BAG1: variants seen among roughly 807,000 people sequenced by gnomAD.
BAG1 encodes BAG family molecular chaperone regulator 1.
Under a neutral mutation model 35.5 loss-of-function variants are expected in BAG1, and 35 were observed. That is an observed-to-expected ratio of 0.99 (90% confidence interval 0.75 to 1.31). The LOEUF is 1.31. Ranked by LOEUF, BAG1 falls within the 50% of genes most tolerant of loss-of-function variation. The pLI is 0.00. For missense variants in BAG1, 464 were observed against 453.6 expected, an observed-to-expected ratio of 1.02 and a Z score of -0.21; for synonymous variants, 191 against 178.9, an observed-to-expected ratio of 1.07 and a Z score of -0.54.
rs1245072391 is a variant in BAG1 at position 33,254,492 on chromosome 9, A to ATCCATGGCT, written c.*718_*726dup. On this transcript the variant is annotated 3_prime_UTR_variant, in exon 7 of 7. Transcript: ENST00000634734. Reference sequence around the variant, plus strand: ...TGGTGCCTTCTCTTTGCCCTTCCTAATCCATGGCTCTGGCCTGGTTTCAAG... The same window carrying ATCCATGGCT: ...TGGTGCCTTCTCTTTGCCCTTCCTAATCCATGGCTTCCATGGCTCTGGCCTGGTTTCAAG... 6.5e-6 allele frequency: 1 copy of ATCCATGGCT among 153,232 alleles called. No homozygotes were observed. The highest frequency in any genetic ancestry group is 1.5e-5 in the Non-Finnish European group (1 of 68,902). 9.5% of individuals were successfully genotyped at this position (153,232 alleles called of 1,614,324 possible).
intron 4 of BAG1, among the ~76,000 whole-genome samples, chr9:33,258,298 C>CAAAAAAAAAAA (rs10591225): frequency 4.7e-5 from 3 of 63,348 alleles, no homozygotes; most frequent in Non-Finnish European, 7.6e-5. Flanking sequence ...GACTCCATAT[C>CAAAAAAAAAAA]AAAAAAAAAA....
intron 2 of BAG1, among the ~76,000 whole-genome samples, chr9:33,261,390 C>T (rs1431052494): frequency 6.6e-6 from 1 of 152,172 alleles, no homozygotes; most frequent in Admixed American, 6.5e-5. Context: ...TTCAGTGCAA[C>T]CTTTTCATAA....
rs1156850532 is a variant in BAG1, at chr9:33,264,703, G to T, written c.-29C>A. On this transcript the variant is annotated 5_prime_UTR_variant, in exon 1 of 7. Coordinates refer to ENST00000634734, the MANE Select transcript of BAG1 (RefSeq NM_004323.6). ...CGCACTTGTTGACCGCCCAGCGATG[G>T]AAGCTGAGCGCGGCGTCTCACAACC... is the stretch of plus-strand genomic sequence containing the variant. 2.2e-6 allele frequency: 3 copies of T among 1,361,148 alleles called. No individual in the cohort carries two copies. Among genetic ancestry groups the T allele is most frequent in the African/African-American group, 3.0e-5 (2 of 66,248 alleles). 84.3% of individuals were successfully genotyped at this position (1,361,148 alleles called of 1,614,324 possible). A position where few individuals can be genotyped will look rare whatever the true frequency, so the allele number is the denominator to read the frequency against.
At chr9:33,258,294 A>G (rs1435823801) in intron 4 of BAG1, among the ~76,000 whole-genome samples, 15 of 74,120 alleles carry the variant, frequency 2.0e-4, no homozygotes, top group Non-Finnish European at 4.5e-4. Flanking sequence ...GCGAGACTCC[A>G]TATCAAAAAA....
chr9:33,263,855 T>C (rs1820636405), intron 1 of BAG1, among the ~76,000 whole-genome samples: 1 of 151,858 alleles, frequency 6.6e-6, no homozygotes, highest in East Asian at 1.9e-4. Flanking sequence ...CACCCCGGCA[T>C]GCACGAAGTT....
At chr9:33,258,265 C>T (rs1166470465) in intron 4 of BAG1, 3 of 140,750 alleles carry the variant, frequency 2.1e-5, no homozygotes, top group Admixed American at 7.5e-5. Flanking sequence ...CACCACTGCA[C>T]TCCAGCCTGG....
Position 33,255,183 on chromosome 9 carries a change from A to G in BAG1, c.*36T>C, listed in dbSNP as rs374335975. The G allele has an allele frequency of 6.2e-7, 1 of 1,614,224 alleles. No individual in the cohort carries two copies. The highest frequency in any genetic ancestry group is 8.5e-7 in the Non-Finnish European group (1 of 1,180,028). On this transcript the variant is annotated 3_prime_UTR_variant, in exon 7 of 7. Transcript: ENST00000634734. Reference sequence around the variant, plus strand: ...CAGAGACGGCAGAGCTGGTGGCGCCATTCTTCAGGGCAGCACAGCCTTTTT... The same window carrying G: ...CAGAGACGGCAGAGCTGGTGGCGCCGTTCTTCAGGGCAGCACAGCCTTTTT...
Position 33,258,931 on chromosome 9 carries a change from C to T in BAG1, c.766G>A (p.Gly256Arg), listed in dbSNP as rs571192965. 7 of 1,613,660 alleles carry T rather than the reference C, an allele frequency of 4.3e-6. No homozygotes were observed. Among genetic ancestry groups the T allele is most frequent in the Non-Finnish European group, 5.9e-6 (7 of 1,179,658 alleles). ...ATGAAGAGAGTTACCTGCTGGATTCCAGTAAGCTCTTTATTCAACTCTTCC... is the reference window on the plus strand; with the variant it reads ...ATGAAGAGAGTTACCTGCTGGATTCTAGTAAGCTCTTTATTCAACTCTTCC... Residue 256 changes from glycine (G) to arginine (R), a missense_variant, in exon 4 of 7, where the codon GGA becomes AGA. Gly to Arg is a moderately radical substitution (Grantham distance 125). Coordinates refer to ENST00000634734, the MANE Select transcript of BAG1 (RefSeq NM_004323.6).
At chr9:33,261,871 C>T (rs565175695) in intron 2 of BAG1, 14 of 985,206 alleles carry the variant, frequency 1.4e-5, no homozygotes, top group Non-Finnish European at 1.7e-5. Context: ...CATGCATCCA[C>T]TGAGCCCGCC....
intron 4 of BAG1, among the ~76,000 whole-genome samples, chr9:33,258,367 G>C (rs1254580495): frequency 6.7e-6 from 1 of 149,324 alleles, no homozygotes; most frequent in Non-Finnish European, 1.5e-5. Context: ...AAATGAGAGG[G>C]AAAAATAAAT....
In BAG1 at chr9:33,262,053, G is replaced by A. The variant is rs918501254; in HGVS notation, c.580+649C>T. 36 of 1,233,822 alleles carry A rather than the reference G, an allele frequency of 2.9e-5. No homozygotes were observed. In the African/African-American group the frequency reaches 4.1e-4, roughly 14 times the overall value. 76.4% of individuals were successfully genotyped at this position (1,233,822 alleles called of 1,614,324 possible). A position where few individuals can be genotyped will look rare whatever the true frequency, so the allele number is the denominator to read the frequency against. On this transcript the variant is annotated intron_variant, in intron 2 of 6. Coordinates refer to ENST00000634734, the MANE Select transcript of BAG1 (RefSeq NM_004323.6). ...TTAATAGTAATTTCATAGAAGTGAT[G>A]CAAAAATAGCAGGGAGTACCATGGT...
Position 33,255,180 on chromosome 9 carries a change from G to A in BAG1, c.*39C>T, listed in dbSNP as rs368992536. ...CTCCAGAGACGGCAGAGCTGGTGGC[G>A]CCATTCTTCAGGGCAGCACAGCCTT... On this transcript the variant is annotated 3_prime_UTR_variant, in exon 7 of 7. Transcript: ENST00000634734. 9.3e-6 allele frequency: 15 copies of A among 1,614,054 alleles called. No homozygotes were observed. The Admixed American group carries it at 1.5e-4, about 16-fold the overall frequency.
At chr9:33,256,954 G>A (rs1338813206) in intron 4 of BAG1, 46 bp from the exon 5 acceptor site, 11 of 1,442,114 alleles carry the variant, frequency 7.6e-6, no homozygotes, top group African/African-American at 5.6e-5. Flanking sequence ...TGAGGCTGAC[G>A]GAAGACTCCA....
chr9:33,258,679 T>A (rs2117948961), intron 4 of BAG1, among the ~76,000 whole-genome samples: 1 of 152,362 alleles, frequency 6.6e-6, no homozygotes, highest in Middle Eastern at 3.4e-3. Flanking sequence ...ACTTAGTATG[T>A]GTCAAGCTCA....
chr9:33,260,398 G>GC (rs1820543820), intron 3 of BAG1: 1 of 152,212 alleles, frequency 6.6e-6, no homozygotes, highest in Non-Finnish European at 1.5e-5. Flanking sequence ...TCTCTTTGTG[G>GC]CAAGTCCTGA....
intron 6 of BAG1, 59 bp from the exon 7 acceptor site, chr9:33,255,367 A>G: frequency 6.2e-7 from 1 of 1,611,612 alleles, no homozygotes; most frequent in South Asian, 1.1e-5. Context: ...CACTGCCCAC[A>G]CAAGGCTCCT....
intron 4 of BAG1, chr9:33,257,120 G>A (rs941228509): frequency 5.8e-6 from 3 of 515,562 alleles, no homozygotes; most frequent in Non-Finnish European, 1.0e-5. Context: ...GCTCTACCTC[G>A]CATGACCCAC....
At chr9:33,257,618 T>C (rs1051326254) in intron 4 of BAG1, 1 of 152,136 alleles carries the variant, frequency 6.6e-6, no homozygotes, top group Non-Finnish European at 1.5e-5. Flanking sequence ...GAATTTATTC[T>C]ACCAAAAAAA....
intron 4 of BAG1, chr9:33,257,181 CAAG>C (rs1169606555): frequency 1.0e-5 from 4 of 400,458 alleles, no homozygotes; most frequent in Non-Finnish European, 1.8e-5. Context: ...CCCCCAGTCA[CAAG>C]AAGAGGCAGA....
Sources: allele counts gnomAD v4.1 joint callset (sites outside exome capture counted in the v4.1 genomes callset), GRCh38; gene constraint gnomAD v4.1.1; transcripts MANE v1.5; gene names NCBI Gene and HGNC (gene_info 2026-07-23, HGNC 2026-07-21).